Variants in ANKRD17 observed in about 807,000 individuals in gnomAD.
ANKRD17 encodes ankyrin repeat domain 17, also known as ankyrin repeat domain-containing protein 17.
Under a neutral mutation model 229.7 loss-of-function variants are expected in ANKRD17, and 19 were observed. The ratio of observed to expected loss-of-function variants is 0.08; its 90% CI spans 0.06 to 0.12. ANKRD17 has a LOEUF of 0.12. Among genes scored for constraint, ANKRD17 ranks in the 10% least tolerant of loss-of-function variants. ANKRD17 has a pLI of 1.00. For missense variants in ANKRD17, 2,176 were observed against 3,176.8 expected (o/e 0.68, Z 7.57); for synonymous variants, 1,112 against 1,146.1 (o/e 0.97, Z 0.60).
rs557904839 is a variant in ANKRD17 at position 73,215,841 on chromosome 4, C to T, written c.394-38308G>A. Among the ~76,000 whole-genome samples the T allele has an allele frequency of 6.0e-4, 92 of 152,238 alleles. 1 individual carries two copies. The South Asian group carries it at 0.016, about 26-fold the overall frequency. ...AAATAGTTTTTGTTTTTTTATCCTC[C>T]TAACAATGTGACACTAAATTTCTTT... is the stretch of plus-strand genomic sequence containing the variant. On this transcript the variant is annotated intron_variant, in intron 1 of 33. Transcript: ENST00000358602.
At chr4:73,194,574 A>T (rs927838512) in intron 1 of ANKRD17, among the ~76,000 whole-genome samples, 3 of 152,024 alleles carry the variant, frequency 2.0e-5, no homozygotes, top group African/African-American at 7.2e-5. Context: ...AAAGGAGAGG[A>T]TCTGGTGGGA....
chr4:73,212,093 A>G (rs1353547387), intron 1 of ANKRD17, among the ~76,000 whole-genome samples: 2 of 152,138 alleles, frequency 1.3e-5, no homozygotes, highest in Non-Finnish European at 2.9e-5. Flanking sequence ...CACCTAACCA[A>G]AGCCAAGGAG....
At chr4:73,215,830 T>C (rs986182339) in intron 1 of ANKRD17, among the ~76,000 whole-genome samples, 1 of 152,216 alleles carries the variant, frequency 6.6e-6, no homozygotes, top group African/African-American at 2.4e-5. Context: ...AGTTTTTGTT[T>C]TTTTATCCTC....
At chr4:73,211,984 T>C (rs1051310461) in intron 1 of ANKRD17, among the ~76,000 whole-genome samples, 1 of 152,060 alleles carries the variant, frequency 6.6e-6, no homozygotes, top group Admixed American at 6.6e-5. Context: ...TTTCAAATGA[T>C]GTACAAAGCT....
At position 73,258,288 on chromosome 4, in the gene ANKRD17, C is replaced by T. The variant is rs1222256129; in HGVS notation, c.381G>A (p.Glu127=). 4.3e-6 allele frequency: 7 copies of T among 1,613,742 alleles called. No individual in the cohort carries two copies. The African/African-American group carries it at 8.0e-5, about 18-fold the overall frequency. Reference sequence around the variant, plus strand: ...ACCAGGCCCTTGCCTCAGAAACCTCCTCTTCCTCGTCGTCGTCGTCCTCTT... The same window carrying T: ...ACCAGGCCCTTGCCTCAGAAACCTCTTCTTCCTCGTCGTCGTCGTCCTCTT... The part of the protein sequence containing the change: ...EEEEDDDDEE[E]EVSEVESFIL... The change falls in exon 1 of 34, where the codon GAG becomes GAA. Residue 127 remains glutamate (E), a synonymous_variant. Transcript: ENST00000358602.
chr4:73,089,335 C>T (rs977707376), intron 29 of ANKRD17, among the ~76,000 whole-genome samples: 1 of 151,852 alleles, frequency 6.6e-6, no homozygotes, highest in Non-Finnish European at 1.5e-5. Flanking sequence ...CGTGCCAAGC[C>T]TATTCTTAAA....
In ANKRD17 at chr4:73,155,569, C is replaced by T; in HGVS notation, c.1000+62G>A. 1.9e-6 allele frequency: 3 copies of T among 1,582,170 alleles called. No homozygotes were observed. In the South Asian group the frequency reaches 3.4e-5, roughly 18 times the overall value. ...ATTAGCACTAAACATCACTTTCATGCAAAATCATTATTACCAAATGATGTT... is the reference window on the plus strand; with the variant it reads ...ATTAGCACTAAACATCACTTTCATGTAAAATCATTATTACCAAATGATGTT... On this transcript the variant is annotated intron_variant, in intron 5 of 33. Coordinates refer to ENST00000358602, the MANE Select transcript of ANKRD17 (RefSeq NM_032217.5).
intron 2 of ANKRD17, among the ~76,000 whole-genome samples, chr4:73,164,795 GAAA>G (rs775487196): frequency 8.8e-6 from 1 of 113,764 alleles, no homozygotes; most frequent in African/African-American, 3.3e-5. Context: ...CTCTCCAAAG[GAAA>G]AAAAAAAAAA....
At chr4:73,222,755 G>C (rs1037957963) in intron 1 of ANKRD17, among the ~76,000 whole-genome samples, 4 of 152,126 alleles carry the variant, frequency 2.6e-5, no homozygotes, top group Admixed American at 6.5e-5. Context: ...TACAATTTAT[G>C]AAACATGAAG....
chr4:73,094,299 A>G (rs1723071715), intron 27 of ANKRD17, 71 bp from the exon 28 acceptor site: 2 of 1,360,364 alleles, frequency 1.5e-6, no homozygotes, highest in Admixed American at 1.8e-5. Context: ...TAAAAGAGGA[A>G]AGAGTATTAC....
At chr4:73,151,058 G>C (rs1415058531) in intron 7 of ANKRD17, among the ~76,000 whole-genome samples, 2 of 151,904 alleles carry the variant, frequency 1.3e-5, no homozygotes, top group East Asian at 3.9e-4. Context: ...AGGGGGTCTT[G>C]GTATGTTGGC....
chr4:73,102,385 T>G lies in ANKRD17; in HGVS notation c.4564A>C (p.Lys1522Gln). 3 of 1,581,664 alleles carry G rather than the reference T, an allele frequency of 1.9e-6. No individual in the cohort carries two copies. The highest frequency in any genetic ancestry group is 2.2e-5 in the East Asian group (1 of 44,620). ...LQAAQEKEKL[K>Q]VEDEPEVLTE... ...TGTTAAGAGAAAATACCTTCAACTT[T>G]AAGCTTTTCTTTTTCTTGAGCAGCT... Residue 1522 changes from lysine to glutamine, a missense_variant, in exon 25 of 34, where the codon AAA (lysine) becomes CAA (glutamine). Coordinates refer to ENST00000358602, the MANE Select transcript of ANKRD17 (RefSeq NM_032217.5).
At chr4:73,128,394 T>C (rs1727757923) in intron 16 of ANKRD17, among the ~76,000 whole-genome samples, 1 of 152,222 alleles carries the variant, frequency 6.6e-6, no homozygotes, top group South Asian at 2.1e-4. Context: ...AATTTTATGA[T>C]GAAGTTTATA....
intron 29 of ANKRD17, among the ~76,000 whole-genome samples, chr4:73,086,948 A>ATATATC (rs1560497888): frequency 3.2e-5 from 3 of 92,880 alleles, no homozygotes; most frequent in African/African-American, 1.2e-4. Context: ...ATATATATAT[A>ATATATC]TATATCTGTA....
At chr4:73,172,131 CA>C in intron 2 of ANKRD17, among the ~76,000 whole-genome samples, 1 of 152,264 alleles carries the variant, frequency 6.6e-6, no homozygotes, top group East Asian at 1.9e-4. Flanking sequence ...ACTTAATAAT[CA>C]AACTTCCAAA....
intron 2 of ANKRD17, among the ~76,000 whole-genome samples, chr4:73,175,991 A>G (rs563645837): frequency 6.6e-6 from 1 of 152,096 alleles, no homozygotes; most frequent in South Asian, 2.1e-4. Flanking sequence ...TGCACAGGAA[A>G]AAAAAAAAAA....
At chr4:73,230,993 T>G (rs983097162) in intron 1 of ANKRD17, among the ~76,000 whole-genome samples, 1 of 152,216 alleles carries the variant, frequency 6.6e-6, no homozygotes, top group Admixed American at 6.5e-5. Context: ...TAAAAACAAG[T>G]GCATACATAA....
chr4:73,193,019 T>C (rs929568669), intron 1 of ANKRD17, among the ~76,000 whole-genome samples: 5 of 152,194 alleles, frequency 3.3e-5, no homozygotes, highest in African/African-American at 1.2e-4. Flanking sequence ...TTGAAAAATA[T>C]ATAATCTACA....
chr4:73,201,908 G>A (rs1372214702), intron 1 of ANKRD17, among the ~76,000 whole-genome samples: 1 of 152,022 alleles, frequency 6.6e-6, no homozygotes, highest in Non-Finnish European at 1.5e-5. Flanking sequence ...ACACTATCTG[G>A]CAGTCATCTG....
Sources: allele counts gnomAD v4.1 joint callset (sites outside exome capture counted in the v4.1 genomes callset), GRCh38; gene constraint gnomAD v4.1.1; transcripts MANE v1.5; gene names NCBI Gene and HGNC (gene_info 2026-07-23, HGNC 2026-07-21).